PCNX2: variants seen among roughly 807,000 people sequenced by gnomAD.
PCNX2 encodes pecanex 2, also known as pecanex-like protein 2.
A neutral mutation model predicts 223.8 loss-of-function variants in PCNX2; 168 were observed. That is an observed-to-expected ratio of 0.75 (90% CI 0.66 to 0.85). PCNX2 has a LOEUF of 0.85. Ranked by LOEUF, PCNX2 falls within the 40% of genes least tolerant of loss-of-function variation. The pLI is 0.00. For synonymous variants in PCNX2, 1,006 were observed against 1,052.6 expected, an observed-to-expected ratio of 0.96 and a Z score of 0.86; for missense variants, 2,507 against 2,675.5, an observed-to-expected ratio of 0.94 and a Z score of 1.39.
intron 19 of PCNX2, among the ~76,000 whole-genome samples, chr1:233,157,251 A>G (rs534693899): frequency 8.5e-5 from 13 of 152,332 alleles, no homozygotes; most frequent in Non-Finnish European, 1.9e-4. Context: ...GAATGAGAGC[A>G]ACATGGGTAG....
chr1:233,149,599 T>C (rs1677671475), intron 19 of PCNX2, among the ~76,000 whole-genome samples: 1 of 152,210 alleles, frequency 6.6e-6, no homozygotes, highest in South Asian at 2.1e-4. Context: ...GTAAGCTTTC[T>C]CACTCTCATC....
At chr1:233,070,522 T>C (rs1672807704) in intron 23 of PCNX2, among the ~76,000 whole-genome samples, 2 of 152,144 alleles carry the variant, frequency 1.3e-5, no homozygotes, top group East Asian at 1.9e-4. Context: ...ACCATGACAA[T>C]GTGGGTTTAT....
At chr1:233,084,471 T>C (rs1245376289) in intron 23 of PCNX2, among the ~76,000 whole-genome samples, 2 of 152,224 alleles carry the variant, frequency 1.3e-5, no homozygotes, top group East Asian at 1.9e-4. Context: ...CCAATCTGGA[T>C]AGAATTCTAG....
At chr1:233,048,115 G>C (rs1572045248) in intron 25 of PCNX2, among the ~76,000 whole-genome samples, 1 of 151,838 alleles carries the variant, frequency 6.6e-6, no homozygotes, top group East Asian at 1.9e-4. Flanking sequence ...ATGACTTTTG[G>C]GTAAACAACA....
At chr1:233,280,676 A>C (rs577351585) in intron 1 of PCNX2, among the ~76,000 whole-genome samples, 2 of 152,146 alleles carry the variant, frequency 1.3e-5, no homozygotes, top group African/African-American at 4.8e-5. Context: ...GGTCTGTCTT[A>C]TTCTCCATTA....
chr1:233,206,454 G>A (rs943469600), intron 13 of PCNX2, among the ~76,000 whole-genome samples: 2 of 151,950 alleles, frequency 1.3e-5, no homozygotes, highest in African/African-American at 2.4e-5. Context: ...CACTGCAGCC[G>A]ACTTAGTGAG....
chr1:232,986,046 TG>T, intron 33 of PCNX2, 45 bp downstream of exon 33: 2 of 1,544,284 alleles, frequency 1.3e-6, no homozygotes, highest in Non-Finnish European at 8.8e-7. Flanking sequence ...CAGGAGCCCG[TG>T]CCACCATCCC....
intron 21 of PCNX2, among the ~76,000 whole-genome samples, chr1:233,101,054 G>A (rs1370302641): frequency 6.6e-6 from 1 of 152,212 alleles, no homozygotes; most frequent in Non-Finnish European, 1.5e-5. Context: ...GGAAGAAGCT[G>A]AGGCTCTTGA....
chr1:233,291,556 C>T (rs904914467), intron 1 of PCNX2: 4 of 566,982 alleles, frequency 7.1e-6, no homozygotes, highest in South Asian at 1.5e-4. Flanking sequence ...TGCGGTGAGC[C>T]GAGATTGCGC....
chr1:233,038,720 C>T (rs1237899370), intron 25 of PCNX2, among the ~76,000 whole-genome samples: 1 of 152,172 alleles, frequency 6.6e-6, no homozygotes, highest in East Asian at 1.9e-4. Context: ...TTCTAGATAA[C>T]TCCAAGATTA....
chr1:233,290,771 GCAGAACTGGAAA>G (rs1466238190), intron 1 of PCNX2: 3 of 985,240 alleles, frequency 3.0e-6, no homozygotes, highest in Non-Finnish European at 3.6e-6. Flanking sequence ...ATTTTAAAAA[GCAGAACTGGAAA>G]CAGAACAAGT....
chr1:233,250,021 C>T (rs1481318811), intron 8 of PCNX2, among the ~76,000 whole-genome samples: 2 of 152,196 alleles, frequency 1.3e-5, no homozygotes, highest in African/African-American at 2.4e-5. Flanking sequence ...ATTCCAGTTA[C>T]ACCGGGAAAG....
intron 32 of PCNX2, among the ~76,000 whole-genome samples, chr1:232,993,560 G>A (rs914273870): frequency 3.9e-5 from 6 of 152,238 alleles, no homozygotes; most frequent in African/African-American, 1.4e-4. Flanking sequence ...CGATGGAGTA[G>A]AAAAGAAAAG....
At chr1:233,264,799 C>T (rs1256465942) in intron 1 of PCNX2, among the ~76,000 whole-genome samples, 2 of 152,008 alleles carry the variant, frequency 1.3e-5, no homozygotes, top group Non-Finnish European at 2.9e-5. Context: ...CGTTAAAATA[C>T]TACTAATTTA....
rs575221784 is a variant in PCNX2 at position 233,033,097 on chromosome 1, C to A, written c.4352-7698G>T. 11 of 985,372 alleles carry A rather than the reference C, an allele frequency of 1.1e-5. No individual in the cohort carries two copies. The African/African-American group carries it at 1.9e-4, about 17-fold the overall frequency. 61.0% of individuals were successfully genotyped at this position (985,372 alleles called of 1,614,324 possible). A position where few individuals can be genotyped will look rare whatever the true frequency, so the allele number is the denominator to read the frequency against. On this transcript the variant is annotated intron_variant, in intron 25 of 33. Coordinates refer to ENST00000258229, the MANE Select transcript of PCNX2 (RefSeq NM_014801.4). ...ACAGTGTGACCTTTCGAAGCCCCGG[C>A]AGAGATGAATGTCAAGCTGGCAAGG...
At chr1:233,113,796 T>C (rs75837130) in intron 21 of PCNX2, among the ~76,000 whole-genome samples, 3,260 of 152,344 alleles carry the variant, frequency 0.021, 33 homozygotes, top group East Asian at 0.043. Flanking sequence ...GTGTTTTGCC[T>C]ATGCAGTGGC....
chr1:233,174,229 A>G (rs1250752447), intron 17 of PCNX2, among the ~76,000 whole-genome samples: 1 of 124,396 alleles, frequency 8.0e-6, no homozygotes, highest in East Asian at 2.3e-4. Context: ...TATGTTATAT[A>G]TTTAATTTAT....
chr1:233,213,766 T>C (rs903652289), intron 12 of PCNX2, among the ~76,000 whole-genome samples: 2 of 150,644 alleles, frequency 1.3e-5, no homozygotes, highest in African/African-American at 4.9e-5. Flanking sequence ...GTATACTTAG[T>C]ATACGCTAAA....
At chr1:232,988,427 T>C (rs1217577530) in intron 32 of PCNX2, among the ~76,000 whole-genome samples, 1 of 152,154 alleles carries the variant, frequency 6.6e-6, no homozygotes. Flanking sequence ...GCTCTTTTTT[T>C]TTTTTAATTA....
Sources: allele counts gnomAD v4.1 joint callset (sites outside exome capture counted in the v4.1 genomes callset), GRCh38; gene constraint gnomAD v4.1.1; transcripts MANE v1.5; gene names NCBI Gene and HGNC (gene_info 2026-07-23, HGNC 2026-07-21).